The following FAF1 variants were observed in gnomAD, a reference collection of about 807,000 sequenced individuals.
FAF1 encodes FAS-associated factor 1.
FAF1 carries 25 observed loss-of-function variants against 92.5 expected under a neutral mutation model. The observed-to-expected ratio is 0.27, with a 90% CI of 0.20 to 0.38. FAF1 has a LOEUF of 0.38. Among genes scored for constraint, FAF1 ranks in the 10% least tolerant of loss-of-function variants. The probability of loss-of-function intolerance (pLI) is 1.00; values close to 1 mark genes in which losing one functional copy is unlikely to be tolerated. For synonymous variants in FAF1, 234 were observed against 273.2 expected (o/e 0.86, Z 1.42); for missense variants, 636 against 793.3 (o/e 0.80, Z 2.38).
intron 6 of FAF1, among the ~76,000 whole-genome samples, chr1:50,717,080 C>G (rs546927127): frequency 6.6e-6 from 1 of 152,146 alleles, no homozygotes; most frequent in African/African-American, 2.4e-5. Context: ...TCTTTAAGAG[C>G]CGTAACACTC....
At chr1:50,554,364 AATATATAT>A (rs149420376) in intron 13 of FAF1, among the ~76,000 whole-genome samples, 22 of 117,184 alleles carry the variant, frequency 1.9e-4, no homozygotes, top group African/African-American at 5.0e-4. Context: ...AAATGAGGTA[AATATATAT>A]ATATATATAT....
chr1:50,525,754 G>C (rs10888691), intron 15 of FAF1, among the ~76,000 whole-genome samples: 21,866 of 152,078 alleles, frequency 0.14, 2,801 homozygotes, highest in African/African-American at 0.35. Flanking sequence ...GTGTTTTTAT[G>C]ATGAAAGGGT....
intron 6 of FAF1, among the ~76,000 whole-genome samples, chr1:50,715,269 T>C (rs1658124078): frequency 6.6e-6 from 1 of 152,188 alleles, no homozygotes; most frequent in South Asian, 2.1e-4. Context: ...TATCACCTTA[T>C]AATTTTTCTA....
chr1:50,484,476 A>C (rs1572775377), intron 17 of FAF1, among the ~76,000 whole-genome samples: 1 of 152,286 alleles, frequency 6.6e-6, no homozygotes, highest in East Asian at 1.9e-4. Flanking sequence ...AATTATAATA[A>C]GGTATATTTA....
rs376947759 is a variant in FAF1 at position 50,657,786 on chromosome 1, C to G, written c.658-2258G>C. 9.2e-5 allele frequency among the ~76,000 whole-genome samples: 14 copies of G among 152,242 alleles called. No homozygotes were observed. The East Asian group carries it at 2.5e-3, about 27-fold the overall frequency. ...AGAAACAAAAAATAAAACAAAAACA[C>G]AGAACTCACTCTATTTTTATCTCTA... On this transcript the variant is annotated intron_variant, in intron 7 of 18. Transcript: ENST00000396153.
intron 8 of FAF1, among the ~76,000 whole-genome samples, chr1:50,600,601 A>ATTT (rs1652060310): frequency 6.6e-6 from 1 of 152,168 alleles, no homozygotes; most frequent in African/African-American, 2.4e-5. Flanking sequence ...TTAGTATCAA[A>ATTT]GAATAATATC....
At chr1:50,744,068 CAA>C (rs1224933419) in intron 5 of FAF1, among the ~76,000 whole-genome samples, 1 of 143,028 alleles carries the variant, frequency 7.0e-6, no homozygotes, top group Admixed American at 7.0e-5. Flanking sequence ...GAGACTGTCT[CAA>C]AAAAAAAAAG....
chr1:50,835,803 T>C (rs1268118451), intron 2 of FAF1, among the ~76,000 whole-genome samples: 2 of 152,130 alleles, frequency 1.3e-5, no homozygotes, highest in East Asian at 1.9e-4. Context: ...GGTAAGAGTA[T>C]AGTAATTGTA....
At chr1:50,496,402 T>G (rs1415924251) in intron 15 of FAF1, among the ~76,000 whole-genome samples, 1 of 152,176 alleles carries the variant, frequency 6.6e-6, no homozygotes, top group Admixed American at 6.5e-5. Context: ...AAAGCATTAC[T>G]AAGCATGTCA....
At chr1:50,800,394 A>G (rs1410833924) in intron 3 of FAF1, among the ~76,000 whole-genome samples, 1 of 152,226 alleles carries the variant, frequency 6.6e-6, no homozygotes, top group African/African-American at 2.4e-5. Flanking sequence ...GAAACTTTCT[A>G]AACTAAGAAA....
In FAF1 at chr1:50,952,916, G is replaced by C. The variant is rs578198205; in HGVS notation, c.45+6851C>G. Among the ~76,000 whole-genome samples the C allele has an allele frequency of 1.8e-4, 28 of 152,294 alleles. No homozygotes were observed. In the South Asian group the frequency reaches 4.6e-3, roughly 25 times the overall value. ...GTATACCCAACAGCTCATTGAGAAC[G>C]GGCCATGATGACGATGGCGGTTTTG... On this transcript the variant is annotated intron_variant, in intron 1 of 18. Transcript: ENST00000396153.
chr1:50,506,492 T>A (rs1256504393), intron 15 of FAF1, among the ~76,000 whole-genome samples: 5 of 152,192 alleles, frequency 3.3e-5, no homozygotes. Context: ...CCAACCTAAG[T>A]GTCCGCTCTA....
chr1:50,645,768 C>T (rs969550618), intron 8 of FAF1, among the ~76,000 whole-genome samples: 2 of 151,218 alleles, frequency 1.3e-5, no homozygotes, highest in South Asian at 2.1e-4. Context: ...GCGGAGGTTG[C>T]GGTGAGCTGA....
At chr1:50,895,394 C>G (rs989417513) in intron 1 of FAF1, among the ~76,000 whole-genome samples, 2 of 151,976 alleles carry the variant, frequency 1.3e-5, no homozygotes, top group African/African-American at 2.4e-5. Flanking sequence ...GAAAAGAAAC[C>G]CCTGGGACCC....
chr1:50,845,319 T>A (rs1238218792), intron 2 of FAF1, among the ~76,000 whole-genome samples: 3 of 152,212 alleles, frequency 2.0e-5, no homozygotes, highest in African/African-American at 7.2e-5. Flanking sequence ...ACACTCTCTC[T>A]CTGCAACCTT....
At position 50,778,317 on chromosome 1, in the gene FAF1, A is replaced by G. The variant is rs376012298; in HGVS notation, c.367+9683T>C. ...TTCTAACGTGCAATAAATATTCTCT[A>G]TCTGGATCTGGGTGGTGGTGGTTCC... On this transcript the variant is annotated intron_variant, in intron 4 of 18. Coordinates refer to ENST00000396153, the MANE Select transcript of FAF1 (RefSeq NM_007051.3). Among the ~76,000 whole-genome samples, 7 of 152,162 alleles carry G rather than the reference A, an allele frequency of 4.6e-5. No individual in the cohort carries two copies. In the East Asian group the frequency reaches 5.8e-4, roughly 13 times the overall value.
intron 1 of FAF1, among the ~76,000 whole-genome samples, chr1:50,917,316 C>G (rs1003248122): frequency 6.6e-6 from 1 of 152,038 alleles, no homozygotes; most frequent in Non-Finnish European, 1.5e-5. Context: ...GTATAAGATC[C>G]TGAAATCGAG....
intron 8 of FAF1, among the ~76,000 whole-genome samples, chr1:50,635,333 A>G (rs560694042): frequency 6.6e-6 from 1 of 152,340 alleles, no homozygotes; most frequent in South Asian, 2.1e-4. Flanking sequence ...AGAAAAACTC[A>G]GCCTAATTTC....
chr1:50,446,504 AC>A, intron 18 of FAF1, among the ~76,000 whole-genome samples: 1 of 152,206 alleles, frequency 6.6e-6, no homozygotes, highest in Middle Eastern at 3.4e-3. Flanking sequence ...AAAATCCAAA[AC>A]ATTTCTGGTC....
Sources: allele counts gnomAD v4.1 joint callset (sites outside exome capture counted in the v4.1 genomes callset), GRCh38; gene constraint gnomAD v4.1.1; transcripts MANE v1.5; gene names NCBI Gene and HGNC (gene_info 2026-07-23, HGNC 2026-07-21).